UBE2Q2: variants seen among roughly 807,000 people sequenced by gnomAD.
UBE2Q2 encodes ubiquitin conjugating enzyme E2 Q2.
In UBE2Q2, 54 loss-of-function variants were observed where a neutral mutation model predicts 59.9. The ratio of observed to expected loss-of-function variants is 0.90; its 90% CI spans 0.72 to 1.13. UBE2Q2 has a LOEUF of 1.13. Among genes scored for constraint, UBE2Q2 ranks in the 50% most tolerant of loss-of-function variants. The pLI, the probability that UBE2Q2 is intolerant of heterozygous loss-of-function variation, is 0.00. For missense variants in UBE2Q2, 433 were observed against 441.9 expected, an observed-to-expected ratio of 0.98 and a Z score of 0.18; for synonymous variants, 165 against 155.2, an observed-to-expected ratio of 1.06 and a Z score of -0.47.
chr15:75,873,321 GTTTC>G, intron 4 of UBE2Q2, 103 bp from the exon 5 acceptor site: 2 of 1,126,684 alleles, frequency 1.8e-6, no homozygotes, highest in East Asian at 5.2e-5. Flanking sequence ...GTTACATTTT[GTTTC>G]TTGTTCCTCA....
chr15:75,858,893 C>T (rs1391034750), intron 2 of UBE2Q2, among the ~76,000 whole-genome samples: 1 of 152,202 alleles, frequency 6.6e-6, no homozygotes, highest in Non-Finnish European at 1.5e-5. Context: ...TTCATTTGCT[C>T]CGTTGTCCAC....
intron 5 of UBE2Q2, among the ~76,000 whole-genome samples, chr15:75,874,680 C>G (rs750856983): frequency 6.6e-6 from 1 of 152,150 alleles, no homozygotes; most frequent in Non-Finnish European, 1.5e-5. Context: ...TTCCTCAGCT[C>G]TAAAATATGG....
rs773198143 is a variant in UBE2Q2, at chr15:75,883,413, T to C, written c.873T>C (p.Val291=). The C allele has an allele frequency of 6.2e-7, 1 of 1,612,528 alleles. No homozygotes were observed. Among genetic ancestry groups the C allele is most frequent in the Non-Finnish European group, 8.5e-7 (1 of 1,179,350 alleles). ...DPPFVRVVLP[V]LSGGYVLGGG... is the part of the protein sequence containing the mutation. ...CATTTGTTCGAGTGGTGTTACCTGT[T>C]CTCTCAGGAGGGTAAGTTTAAGTGA... The change falls in exon 9 of 13, where the codon GTT becomes GTC. Residue 291 remains valine (V), a synonymous_variant. Coordinates refer to ENST00000267938, the MANE Select transcript of UBE2Q2 (RefSeq NM_173469.4).
rs1896806820 is a variant in UBE2Q2, at chr15:75,854,564, T to C, written c.282+77T>C. ...AGAAATTAAATGTTAAGAGATAATA[T>C]GATATAAAAGCATGATTAATGATTA... On this transcript the variant is annotated intron_variant, in intron 2 of 12. Coordinates refer to ENST00000267938, the MANE Select transcript of UBE2Q2 (RefSeq NM_173469.4). 4.6e-6 allele frequency: 4 copies of C among 869,368 alleles called. No homozygotes were observed. The South Asian group carries it at 7.6e-5, about 16-fold the overall frequency. 53.9% of individuals were successfully genotyped at this position (869,368 alleles called of 1,614,324 possible). A position where few individuals can be genotyped will look rare whatever the true frequency, so the allele number is the denominator to read the frequency against.
At chr15:75,859,196 C>A (rs1897084880) in intron 2 of UBE2Q2, among the ~76,000 whole-genome samples, 2 of 152,200 alleles carry the variant, frequency 1.3e-5, no homozygotes, top group Non-Finnish European at 2.9e-5. Context: ...TGGAAATTTA[C>A]AGTTATTCTT....
intron 12 of UBE2Q2, 123 bp from the exon 13 acceptor site, chr15:75,899,304 T>TA (rs1262227022): frequency 2.2e-5 from 7 of 320,144 alleles, no homozygotes; most frequent in Admixed American, 5.4e-5. Context: ...TATATATATA[T>TA]TTTTTACGGT....
At chr15:75,876,360 G>A (rs1046493403) in intron 6 of UBE2Q2, 89 bp downstream of exon 6, 1 of 1,148,588 alleles carries the variant, frequency 8.7e-7, no homozygotes, top group Admixed American at 2.3e-5. Context: ...AAACTGGACA[G>A]AAATGGAAAT....
At chr15:75,892,239 T>C (rs1270471572) in intron 11 of UBE2Q2, among the ~76,000 whole-genome samples, 1 of 152,198 alleles carries the variant, frequency 6.6e-6, no homozygotes, top group African/African-American at 2.4e-5. Context: ...CAGATACTTT[T>C]TGTAGGAAAG....
chr15:75,849,199 T>C (rs1390979400), intron 1 of UBE2Q2, among the ~76,000 whole-genome samples: 1 of 152,214 alleles, frequency 6.6e-6, no homozygotes, highest in Non-Finnish European at 1.5e-5. Context: ...GCAGTTAGAA[T>C]TTTATTAAGG....
At chr15:75,844,083 T>A (rs985872656) in intron 1 of UBE2Q2, 74 of 1,414,710 alleles carry the variant, frequency 5.2e-5, no homozygotes, top group Admixed American at 9.0e-5. Context: ...GCTTGGGGGC[T>A]TCTGGCCCAT....
chr15:75,872,005 G>A (rs990145175), intron 4 of UBE2Q2, among the ~76,000 whole-genome samples: 6 of 152,194 alleles, frequency 3.9e-5, no homozygotes, highest in Non-Finnish European at 8.8e-5. Flanking sequence ...TGTGAGAATT[G>A]TGAGGAAAAC....
At chr15:75,844,202 G>C in intron 1 of UBE2Q2, 3 of 1,460,388 alleles carry the variant, frequency 2.1e-6, no homozygotes, top group Non-Finnish European at 2.7e-6. Context: ...GGCGGGGCGG[G>C]GCGGGGCGGC....
chr15:75,863,417 C>A (rs1279674521), intron 3 of UBE2Q2, among the ~76,000 whole-genome samples: 3 of 151,778 alleles, frequency 2.0e-5, no homozygotes, highest in African/African-American at 7.3e-5. Context: ...GTTCAGTATT[C>A]ACTTTTCCTT....
At chr15:75,893,926 G>A (rs944293260) in intron 11 of UBE2Q2, among the ~76,000 whole-genome samples, 1 of 152,038 alleles carries the variant, frequency 6.6e-6, no homozygotes, top group South Asian at 2.1e-4. Flanking sequence ...CCCTCTTCCT[G>A]TCTGGAACAT....
intron 1 of UBE2Q2, among the ~76,000 whole-genome samples, chr15:75,848,852 G>A (rs1459133716): frequency 6.6e-6 from 1 of 152,050 alleles, no homozygotes; most frequent in Non-Finnish European, 1.5e-5. Flanking sequence ...AGTGTTATGT[G>A]ATCTCTTCTA....
intron 4 of UBE2Q2, 112 bp downstream of exon 4, chr15:75,869,122 A>T (rs1365026319): frequency 1.1e-5 from 10 of 904,934 alleles, no homozygotes; most frequent in Admixed American, 2.5e-5. Context: ...TTGAAAGCAC[A>T]TTGTGTTTGG....
rs539339577 is a variant in UBE2Q2, at chr15:75,863,731, T to A, written c.387+3749T>A. On this transcript the variant is annotated intron_variant, in intron 3 of 12. Transcript: ENST00000267938. Reference sequence around the variant, plus strand: ...GATCTTGGCTCACTGCAGCCTCCGCTTCGTGGGTTCAAGCGATTCTCCTGC... The same window carrying A: ...GATCTTGGCTCACTGCAGCCTCCGCATCGTGGGTTCAAGCGATTCTCCTGC... 7.2e-5 allele frequency among the ~76,000 whole-genome samples: 11 copies of A among 151,926 alleles called. No homozygotes were observed. In the South Asian group the frequency reaches 2.3e-3, roughly 32 times the overall value.
At chr15:75,844,505 C>T in intron 1 of UBE2Q2, 2 of 1,550,348 alleles carry the variant, frequency 1.3e-6, no homozygotes, top group Non-Finnish European at 1.7e-6. Context: ...AGTGTGTATT[C>T]GTGTGGCCCC....
intron 8 of UBE2Q2, among the ~76,000 whole-genome samples, chr15:75,881,416 G>A (rs1424642092): frequency 1.3e-5 from 2 of 152,042 alleles, no homozygotes; most frequent in South Asian, 2.1e-4. Flanking sequence ...GGGACGATCT[G>A]GGAGGTAAAT....
Sources: gnomAD v4.1 joint callset for allele counts (sites outside exome capture counted in the v4.1 genomes callset) on GRCh38, gnomAD v4.1.1 for gene constraint, MANE v1.5 for transcripts, NCBI Gene and HGNC (gene_info 2026-07-23, HGNC 2026-07-21) for gene names.